Variants in CSMD1 observed in about 807,000 individuals in gnomAD.
The protein encoded by CSMD1 is CUB and Sushi multiple domains 1.
CSMD1 carries 213 observed loss-of-function variants against 417.5 expected under a neutral mutation model. The observed-to-expected ratio is 0.51, with a 90% CI of 0.46 to 0.57. The LOEUF is 0.57. Among genes scored for constraint, CSMD1 ranks in the 20% least tolerant of loss-of-function variants. The pLI is 0.00. For missense variants in CSMD1, 6,923 were observed against 4,529.7 expected (o/e 1.53, Z -15.17); for synonymous variants, 2,862 against 1,736.8 (o/e 1.65, Z -16.11).
chr8:4,526,145 T>C (rs767833466), intron 2 of CSMD1, among the ~76,000 whole-genome samples: 5 of 152,310 alleles, frequency 3.3e-5, no homozygotes, highest in East Asian at 1.9e-4. Flanking sequence ...AGGGAGAAAG[T>C]GTTGTTAAGA....
At chr8:4,454,849 T>A (rs866776542) in intron 2 of CSMD1, among the ~76,000 whole-genome samples, 1 of 152,184 alleles carries the variant, frequency 6.6e-6, no homozygotes, top group Non-Finnish European at 1.5e-5. Flanking sequence ...TTTTCCACAG[T>A]TTAGTTTTAA....
At chr8:3,504,960 G>C (rs539955203) in intron 10 of CSMD1, among the ~76,000 whole-genome samples, 1 of 151,688 alleles carries the variant, frequency 6.6e-6, no homozygotes, top group Admixed American at 6.6e-5. Context: ...CAACAACAAA[G>C]ATTAACCAGT....
At chr8:3,280,788 A>ATAT (rs150664793) in intron 26 of CSMD1, among the ~76,000 whole-genome samples, 1 of 152,060 alleles carries the variant, frequency 6.6e-6, no homozygotes, top group Non-Finnish European at 1.5e-5. Context: ...CTAAACACTA[A>ATAT]TAATTAATTA....
At chr8:3,229,071 A>G (rs949739013) in intron 27 of CSMD1, among the ~76,000 whole-genome samples, 2 of 152,170 alleles carry the variant, frequency 1.3e-5, no homozygotes, top group African/African-American at 2.4e-5. Flanking sequence ...GTGGTTTGTC[A>G]TAAGTAGGAG....
At chr8:4,213,998 G>A (rs1223845318) in intron 3 of CSMD1, among the ~76,000 whole-genome samples, 2 of 152,132 alleles carry the variant, frequency 1.3e-5, no homozygotes, top group East Asian at 3.9e-4. Context: ...CAAACAGAAA[G>A]GGGCAAAGTT....
At chr8:4,450,738 GCAA>G (rs1453564736) in intron 2 of CSMD1, among the ~76,000 whole-genome samples, 1 of 152,100 alleles carries the variant, frequency 6.6e-6, no homozygotes, top group Non-Finnish European at 1.5e-5. Context: ...TAACAGAATA[GCAA>G]CAAAACAGCG....
chr8:4,090,273 A>T (rs572802941), intron 3 of CSMD1, among the ~76,000 whole-genome samples: 6 of 152,292 alleles, frequency 3.9e-5, no homozygotes, highest in African/African-American at 1.4e-4. Context: ...AAGAGCTTAG[A>T]TTCTAATTAA....
At chr8:2,974,123 G>GGATGATGGTAGAGGATGATGGTAGAC (rs1483926300) in intron 56 of CSMD1, among the ~76,000 whole-genome samples, 1 of 151,880 alleles carries the variant, frequency 6.6e-6, no homozygotes, top group African/African-American at 2.4e-5. Context: ...TGATGGTAGA[G>GGATGATGGTAGAGGATGATGGTAGAC]GGAGGGAAAA....
intron 26 of CSMD1, among the ~76,000 whole-genome samples, chr8:3,263,549 G>A (rs187272915): frequency 5.3e-5 from 8 of 152,162 alleles, no homozygotes; most frequent in Admixed American, 3.9e-4. Flanking sequence ...TTCATTTTTG[G>A]TAATACATTC....
intron 12 of CSMD1, among the ~76,000 whole-genome samples, chr8:3,445,500 A>G (rs1192606488): frequency 1.3e-5 from 2 of 152,194 alleles, no homozygotes; most frequent in African/African-American, 2.4e-5. Flanking sequence ...CCAAGCCTCT[A>G]TAGCTGCAAT....
intron 3 of CSMD1, among the ~76,000 whole-genome samples, chr8:4,277,807 G>C (rs777389818): frequency 2.0e-5 from 3 of 152,104 alleles, no homozygotes; most frequent in South Asian, 2.1e-4. Context: ...GAGTGCAGTC[G>C]TATAATCTCG....
intron 26 of CSMD1, among the ~76,000 whole-genome samples, chr8:3,274,279 T>C (rs1802096903): frequency 1.3e-5 from 2 of 152,282 alleles, no homozygotes; most frequent in South Asian, 4.1e-4. Flanking sequence ...TTGATTGCAC[T>C]GTGGTCTGAG....
intron 1 of CSMD1, among the ~76,000 whole-genome samples, chr8:4,658,526 T>C (rs1804382664): frequency 6.6e-6 from 1 of 152,136 alleles, no homozygotes; most frequent in African/African-American, 2.4e-5. Context: ...TTCAGCAAAC[T>C]ATGCTTCAGA....
intron 18 of CSMD1, among the ~76,000 whole-genome samples, chr8:3,373,045 TA>T (rs1810073678): frequency 6.6e-6 from 1 of 152,236 alleles, no homozygotes; most frequent in African/African-American, 2.4e-5. Flanking sequence ...ATAATGAATG[TA>T]AAACATTTTA....
chr8:3,760,931 G>T (rs752647840), intron 5 of CSMD1, among the ~76,000 whole-genome samples: 1 of 151,512 alleles, frequency 6.6e-6, no homozygotes, highest in Non-Finnish European at 1.5e-5. Flanking sequence ...GTCAATTTGG[G>T]CAGAAAGCCA....
At chr8:4,980,278 A>C (rs1157903235) in intron 1 of CSMD1, among the ~76,000 whole-genome samples, 1 of 152,188 alleles carries the variant, frequency 6.6e-6, no homozygotes, top group Non-Finnish European at 1.5e-5. Context: ...CTTTCCTAGC[A>C]TGCTGCTCTT....
chr8:4,274,150 C>CT (rs1796329629), intron 3 of CSMD1, among the ~76,000 whole-genome samples: 1 of 152,080 alleles, frequency 6.6e-6, no homozygotes. Flanking sequence ...CTAATACTCA[C>CT]TAATGTATTT....
At chr8:3,298,573 C>A (rs1439838269) in intron 25 of CSMD1, among the ~76,000 whole-genome samples, 1 of 152,180 alleles carries the variant, frequency 6.6e-6, no homozygotes, top group Non-Finnish European at 1.5e-5. Context: ...TCTGCCTCAG[C>A]CTCCCGAGTA....
At chr8:4,253,390 C>T (rs945197987) in intron 3 of CSMD1, among the ~76,000 whole-genome samples, 1 of 151,460 alleles carries the variant, frequency 6.6e-6, no homozygotes, top group African/African-American at 2.4e-5. Context: ...TTCATTGAGT[C>T]CATAATCTCA....
Sources: gnomAD v4.1 joint callset for allele counts (sites outside exome capture counted in the v4.1 genomes callset) on GRCh38, gnomAD v4.1.1 for gene constraint, MANE v1.5 for transcripts, NCBI Gene and HGNC (gene_info 2026-07-23, HGNC 2026-07-21) for gene names.